Variants in RNF169 observed in about 807,000 individuals in gnomAD.
RNF169 encodes the protein E3 ubiquitin-protein ligase RNF169.
In RNF169, 24 loss-of-function variants were observed where a neutral mutation model predicts 53.9. That is an observed-to-expected ratio of 0.45 (90% CI 0.32 to 0.63). The LOEUF is 0.63. RNF169 is among the 20% of genes least tolerant of loss of function. RNF169 has a pLI of 0.04. For missense variants in RNF169, 883 were observed against 906.2 expected, an observed-to-expected ratio of 0.97 and a Z score of 0.33; for synonymous variants, 396 against 363.5, an observed-to-expected ratio of 1.09 and a Z score of -1.02.
At chr11:74,769,671 C>A (rs892146563) in intron 1 of RNF169, among the ~76,000 whole-genome samples, 1 of 151,902 alleles carries the variant, frequency 6.6e-6, no homozygotes, top group Non-Finnish European at 1.5e-5. Flanking sequence ...AAAATACTTG[C>A]AAAAGGAAAA....
intron 1 of RNF169, among the ~76,000 whole-genome samples, chr11:74,762,425 C>G (rs548207768): frequency 2.0e-5 from 3 of 152,148 alleles, no homozygotes; most frequent in Non-Finnish European, 2.9e-5. Flanking sequence ...TTTTCCCCAT[C>G]TTTGTGGTTT....
chr11:74,791,182 CTCCCCTACACAGGCAGGTCA>C (rs1404069537), intron 2 of RNF169, among the ~76,000 whole-genome samples: 3 of 152,202 alleles, frequency 2.0e-5, no homozygotes, highest in Non-Finnish European at 4.4e-5. Context: ...CAGTGGGTAG[CTCCCCTACACAGGCAGGTCA>C]TCCCCATGTC....
chr11:74,810,072 C>T, intron 2 of RNF169, 112 bp from the exon 3 acceptor site: 1 of 917,178 alleles, frequency 1.1e-6, no homozygotes, highest in Non-Finnish European at 1.7e-6. Flanking sequence ...ATAAGAAAAA[C>T]AGTCTCAAAA....
intron 4 of RNF169, among the ~76,000 whole-genome samples, chr11:74,822,261 A>G (rs1165419049): frequency 1.3e-5 from 2 of 152,144 alleles, no homozygotes; most frequent in Admixed American, 6.5e-5. Context: ...TATATCTTGT[A>G]TGGCCATTTG....
chr11:74,819,521 T>C (rs1245168142), intron 4 of RNF169, among the ~76,000 whole-genome samples: 1 of 152,198 alleles, frequency 6.6e-6, no homozygotes, highest in East Asian at 1.9e-4. Context: ...CTTAGTACAG[T>C]GTCTGGCACT....
In RNF169 at chr11:74,835,823, T is replaced by C; in HGVS notation, c.1220T>C (p.Ile407Thr). ...PDGRVLSPLI[I>T]KSTPRNLNRS... ...GGCCGTGTGCTAAGTCCTCTCATCA[T>C]CAAATCAACTCCACGCAACCTAAAC... is the stretch of plus-strand genomic sequence containing the variant. Residue 407 changes from isoleucine to threonine, a missense_variant, in exon 6 of 6, where the codon ATC becomes ACC. Around this residue, in one of 3 missense-constraint regions of RNF169, gnomAD observed 219 missense variants for 289.1 expected, o/e 0.76. Transcript: ENST00000299563. The C allele has an allele frequency of 5.6e-6, 9 of 1,614,172 alleles. No individual in the cohort carries two copies. The highest frequency in any genetic ancestry group is 7.6e-6 in the Non-Finnish European group (9 of 1,180,026).
At chr11:74,765,448 A>G (rs945099098) in intron 1 of RNF169, among the ~76,000 whole-genome samples, 3 of 152,190 alleles carry the variant, frequency 2.0e-5, no homozygotes, top group Admixed American at 6.6e-5. Flanking sequence ...AATATAACCA[A>G]TTCCCCCTCC....
chr11:74,757,403 G>T (rs2035002016), intron 1 of RNF169, among the ~76,000 whole-genome samples: 1 of 123,162 alleles, frequency 8.1e-6, no homozygotes, highest in African/African-American at 3.3e-5. Context: ...ATCATTGTTG[G>T]ACATTTGGGT....
intron 4 of RNF169, among the ~76,000 whole-genome samples, chr11:74,825,478 A>G (rs1218333800): frequency 2.6e-5 from 4 of 152,220 alleles, no homozygotes. Flanking sequence ...TCAATAGACC[A>G]ATAATGAGTT....
intron 4 of RNF169, 47 bp from the exon 5 acceptor site, chr11:74,834,628 AT>A (rs774135737): frequency 7.2e-7 from 1 of 1,387,366 alleles, no homozygotes; most frequent in Admixed American, 1.9e-5. Flanking sequence ...TTCCTTACCT[AT>A]ATATGGACTA....
chr11:74,758,416 T>C (rs1339953937), intron 1 of RNF169, among the ~76,000 whole-genome samples: 3 of 150,616 alleles, frequency 2.0e-5, no homozygotes, highest in African/African-American at 7.4e-5. Flanking sequence ...GTAGTATAGT[T>C]TGAAGTCAGG....
At chr11:74,822,452 G>A (rs548651120) in intron 4 of RNF169, among the ~76,000 whole-genome samples, 55 of 152,112 alleles carry the variant, frequency 3.6e-4, no homozygotes, top group Non-Finnish European at 6.0e-4. Flanking sequence ...TTTTAAGCAA[G>A]TTGCTTTTCA....
chr11:74,758,304 G>A (rs938206747), intron 1 of RNF169, among the ~76,000 whole-genome samples: 9 of 144,956 alleles, frequency 6.2e-5, no homozygotes, highest in African/African-American at 2.4e-4. Context: ...AGATCAGATA[G>A]TTGTTGGTAT....
intron 1 of RNF169, among the ~76,000 whole-genome samples, chr11:74,784,622 G>T (rs1308156373): frequency 1.3e-5 from 2 of 152,210 alleles, no homozygotes; most frequent in African/African-American, 4.8e-5. Flanking sequence ...CTTAGTGATT[G>T]GGGTTTATAT....
chr11:74,833,701 T>C (rs1258661267), intron 4 of RNF169, among the ~76,000 whole-genome samples: 1 of 152,184 alleles, frequency 6.6e-6, no homozygotes, highest in Non-Finnish European at 1.5e-5. Context: ...AGTAAGTATA[T>C]GATACATGCT....
chr11:74,824,270 C>T (rs2036060643), intron 4 of RNF169, among the ~76,000 whole-genome samples: 2 of 152,032 alleles, frequency 1.3e-5, no homozygotes, highest in South Asian at 2.1e-4. Context: ...CAGATTTGAA[C>T]AGGCAGAATA....
rs954721657 is a variant in RNF169, at chr11:74,839,044, T to C, written c.*2314T>C. The C allele has an allele frequency of 6.6e-6, 1 of 152,204 alleles. No individual in the cohort carries two copies. Among genetic ancestry groups the C allele is most frequent in the African/African-American group, 2.4e-5 (1 of 41,448 alleles). 9.4% of individuals were successfully genotyped at this position (152,204 alleles called of 1,614,324 possible). A position where few individuals can be genotyped will look rare whatever the true frequency, so the allele number is the denominator to read the frequency against. On this transcript the variant is annotated 3_prime_UTR_variant, in exon 6 of 6. Transcript: ENST00000299563. ...GATAAAAGATATATATTTTAAATAT[T>C]TCCCCAAATTAATACTTTCATTTTA... is the stretch of plus-strand genomic sequence containing the variant.
chr11:74,797,545 TATA>T (rs1241411809), intron 2 of RNF169, among the ~76,000 whole-genome samples: 2 of 152,234 alleles, frequency 1.3e-5, no homozygotes, highest in African/African-American at 4.8e-5. Context: ...CTGTGTCTAA[TATA>T]ATATCTTGCA....
At chr11:74,813,433 T>G (rs2035901064) in intron 3 of RNF169, among the ~76,000 whole-genome samples, 1 of 152,238 alleles carries the variant, frequency 6.6e-6, no homozygotes, top group African/African-American at 2.4e-5. Flanking sequence ...ATGGTACATT[T>G]AATCCAATAA....
Sources: gnomAD v4.1 joint callset for allele counts (sites outside exome capture counted in the v4.1 genomes callset) on GRCh38, gnomAD v4.1.1 for gene constraint, gnomAD v4.1.1 regional missense constraint, MANE v1.5 for transcripts, NCBI Gene and HGNC (gene_info 2026-07-23, HGNC 2026-07-21) for gene names.